NPHP1: variants seen among roughly 807,000 people sequenced by gnomAD.
NPHP1 encodes nephrocystin 1, also known as nephrocystin-1.
Under a neutral mutation model 90.4 loss-of-function variants are expected in NPHP1, and 70 were observed. That is an observed-to-expected ratio of 0.77 (90% CI 0.64 to 0.95). The LOEUF (loss-of-function observed/expected upper bound fraction) is 0.95, where lower values mean the gene tolerates loss of function less well. Ranked by LOEUF, NPHP1 falls within the 40% of genes least tolerant of loss-of-function variation. The pLI is 0.00. For synonymous variants in NPHP1, 256 were observed against 271.7 expected (o/e 0.94, Z 0.57); for missense variants, 764 against 795.9 (o/e 0.96, Z 0.48).
At chr2:110,184,516 C>A in intron 2 of NPHP1, 1 of 1,179,498 alleles carries the variant, frequency 8.5e-7, no homozygotes, top group African/African-American at 1.5e-5. Context: ...GGCAGGACCA[C>A]GGGGGTGGTG....
intron 17 of NPHP1, 61 bp downstream of exon 17, chr2:110,131,618 G>A: frequency 2.1e-6 from 2 of 960,498 alleles, no homozygotes; most frequent in Non-Finnish European, 3.4e-6. Context: ...GATGGTATAG[G>A]TTACCTTTAC....
intron 14 of NPHP1, 108 bp downstream of exon 14, chr2:110,146,644 CT>C (rs2104491650): frequency 1.2e-6 from 1 of 803,742 alleles, no homozygotes; most frequent in East Asian, 2.5e-5. Flanking sequence ...AAAAAGTCCT[CT>C]CCCCAAAAGT....
intron 11 of NPHP1, among the ~76,000 whole-genome samples, chr2:110,155,196 G>A (rs1681798242): frequency 6.6e-6 from 1 of 152,184 alleles, no homozygotes; most frequent in African/African-American, 2.4e-5. Context: ...ATGTGGTATT[G>A]AGCCTGCAGG....
intron 11 of NPHP1, among the ~76,000 whole-genome samples, chr2:110,158,986 A>G (rs1457434920): frequency 6.6e-6 from 1 of 151,950 alleles, no homozygotes; most frequent in Non-Finnish European, 1.5e-5. Context: ...AAAATCATAA[A>G]TGGGTGTTGA....
At chr2:110,147,820 C>T (rs1337045265) in intron 13 of NPHP1, 96 bp downstream of exon 13, 1 of 757,648 alleles carries the variant, frequency 1.3e-6, no homozygotes, top group African/African-American at 1.7e-5. Flanking sequence ...TTCAATTACA[C>T]ATAAAGACTT....
At chr2:110,138,182 G>C (rs1188153338) in intron 16 of NPHP1, among the ~76,000 whole-genome samples, 1 of 151,964 alleles carries the variant, frequency 6.6e-6, no homozygotes, top group Non-Finnish European at 1.5e-5. Context: ...TGTGGGGTGG[G>C]GTGGGGGAGG....
At chr2:110,184,854 AGCT>A (rs1684171458) in intron 2 of NPHP1, 5 of 701,876 alleles carry the variant, frequency 7.1e-6, no homozygotes, top group Non-Finnish European at 1.1e-5. Flanking sequence ...CGGGCCCCTG[AGCT>A]GCTCTTCAGG....
chr2:110,146,660 G>T, intron 14 of NPHP1, 93 bp downstream of exon 14: 3 of 910,162 alleles, frequency 3.3e-6, no homozygotes, highest in African/African-American at 1.6e-5. Flanking sequence ...AAAAGTTATT[G>T]GCATGCTCAT....
chr2:110,134,926 C>A (rs1680055866), intron 16 of NPHP1, among the ~76,000 whole-genome samples: 1 of 152,018 alleles, frequency 6.6e-6, no homozygotes, highest in South Asian at 2.1e-4. Context: ...AGGAACAAGA[C>A]AAGGATCCTG....
chr2:110,170,077 T>C, intron 4 of NPHP1, 79 bp from the exon 5 acceptor site: 1 of 1,527,182 alleles, frequency 6.5e-7, no homozygotes, highest in Admixed American at 1.7e-5. Context: ...CTTCTACATA[T>C]ACATGAATAT....
intron 1 of NPHP1, among the ~76,000 whole-genome samples, chr2:110,203,841 C>A: frequency 6.6e-6 from 1 of 151,164 alleles, no homozygotes. Flanking sequence ...GTTATGTTGC[C>A]CAGGCTAGTC....
chr2:110,170,259 T>G (rs1683029019), intron 4 of NPHP1, among the ~76,000 whole-genome samples: 1 of 152,148 alleles, frequency 6.6e-6, no homozygotes, highest in Non-Finnish European at 1.5e-5. Flanking sequence ...CGAATTCAAG[T>G]CTTGGATTCA....
intron 16 of NPHP1, among the ~76,000 whole-genome samples, chr2:110,140,550 G>T (rs1680545825): frequency 6.6e-6 from 1 of 152,048 alleles, no homozygotes. Flanking sequence ...GTATTTGGGG[G>T]CCAAAGAAAC....
At position 110,165,128 on chromosome 2, in the gene NPHP1, C is replaced by T; in HGVS notation, c.652G>A (p.Glu218Lys). ...TCTTCACTGCCCTCTTCACTTGACT[C>T]TTGGCCTTCTTCTTCTTCACTATAA... ...EPYSEEEEGQ[E>K]SSEEGSEEDV... Residue 218 changes from glutamate (E) to lysine (K), a missense_variant, in exon 7 of 20, where the codon GAG becomes AAG. Glu to Lys is a moderately conservative substitution (Grantham distance 56, BLOSUM62 1). Transcript: ENST00000445609. 5 of 1,613,488 alleles carry T rather than the reference C, an allele frequency of 3.1e-6. No individual in the cohort carries two copies. The South Asian group carries it at 5.5e-5, about 18-fold the overall frequency.
At chr2:110,154,245 C>G (rs892950056) in intron 11 of NPHP1, among the ~76,000 whole-genome samples, 1 of 152,142 alleles carries the variant, frequency 6.6e-6, no homozygotes, top group Non-Finnish European at 1.5e-5. Flanking sequence ...TTGAGAGGTG[C>G]CATTCACCTT....
intron 4 of NPHP1, among the ~76,000 whole-genome samples, chr2:110,171,376 A>C (rs1683119775): frequency 6.6e-6 from 1 of 152,118 alleles, no homozygotes; most frequent in Non-Finnish European, 1.5e-5. Flanking sequence ...TAAAATGGGA[A>C]AACAATACTT....
At chr2:110,151,359 T>A (rs1370177103) in intron 11 of NPHP1, among the ~76,000 whole-genome samples, 1 of 152,052 alleles carries the variant, frequency 6.6e-6, no homozygotes, top group Non-Finnish European at 1.5e-5. Flanking sequence ...AAGTTCATCA[T>A]AAAACTTACA....
At chr2:110,135,840 T>G (rs1680145979) in intron 16 of NPHP1, among the ~76,000 whole-genome samples, 1 of 152,170 alleles carries the variant, frequency 6.6e-6, no homozygotes, top group South Asian at 2.1e-4. Flanking sequence ...AAGGGAAAAT[T>G]ATCACAGAGG....
chr2:110,189,288 TG>T (rs915637852), intron 2 of NPHP1, among the ~76,000 whole-genome samples: 1 of 152,146 alleles, frequency 6.6e-6, no homozygotes, highest in Non-Finnish European at 1.5e-5. Context: ...AAAGGCGGCG[TG>T]TCCAGAGTTT....
Sources: allele counts gnomAD v4.1 joint callset (sites outside exome capture counted in the v4.1 genomes callset), GRCh38; gene constraint gnomAD v4.1.1; transcripts MANE v1.5; gene names NCBI Gene and HGNC (gene_info 2026-07-23, HGNC 2026-07-21).